TAF11: variants seen among roughly 807,000 people sequenced by gnomAD.
TAF11 encodes the protein transcription initiation factor TFIID subunit 11.
TAF11 carries 10 observed loss-of-function variants against 23.0 expected under a neutral mutation model. That is an observed-to-expected ratio of 0.43 (90% CI 0.27 to 0.74). TAF11 has a LOEUF of 0.74. Among genes scored for constraint, TAF11 ranks in the 30% least tolerant of loss-of-function variants. TAF11 has a pLI of 0.19. For synonymous variants in TAF11, 85 were observed against 95.8 expected (o/e 0.89, Z 0.66); for missense variants, 196 against 261.7 (o/e 0.75, Z 1.73).
At chr6:34,884,967 G>T (rs953266698) in intron 1 of TAF11, among the ~76,000 whole-genome samples, 1 of 149,458 alleles carries the variant, frequency 6.7e-6, no homozygotes. Flanking sequence ...TTCATATTTT[G>T]TAATGTTATA....
At chr6:34,885,135 GC>G (rs1220703573) in intron 1 of TAF11, among the ~76,000 whole-genome samples, 1 of 149,634 alleles carries the variant, frequency 6.7e-6, no homozygotes, top group Non-Finnish European at 1.5e-5. Flanking sequence ...TCGCTCTGTT[GC>G]CCAGGCTGGA....
At chr6:34,884,635 CCT>C (rs1035804632) in intron 1 of TAF11, among the ~76,000 whole-genome samples, 1 of 152,100 alleles carries the variant, frequency 6.6e-6, no homozygotes, top group African/African-American at 2.4e-5. Context: ...AACTTCACCC[CCT>C]CTGACTTAAT....
intron 1 of TAF11, among the ~76,000 whole-genome samples, chr6:34,884,936 C>T (rs1219646920): frequency 6.6e-6 from 1 of 152,174 alleles, no homozygotes; most frequent in Admixed American, 6.5e-5. Flanking sequence ...TTAAAGATCT[C>T]CATATTAGTG....
intron 1 of TAF11, among the ~76,000 whole-genome samples, chr6:34,885,450 G>A (rs2095751536): frequency 6.6e-6 from 1 of 152,076 alleles, no homozygotes; most frequent in South Asian, 2.1e-4. Flanking sequence ...GAAGCTTTTT[G>A]TAGTTAATTT....
chr6:34,882,965 T>C lies in TAF11; in HGVS notation c.287A>G (p.Gln96Arg), dbSNP rs896349744. The C allele has an allele frequency of 1.2e-6, 2 of 1,609,498 alleles. No homozygotes were observed. The highest frequency in any genetic ancestry group is 2.7e-5 in the African/African-American group (2 of 74,698). The stretch of plus-strand genomic sequence containing the variant: ...CTGAATCTCATCTTCATCTACTTTC[T>C]GCTTTTTCTCTTTCTTTTCTTTGGT... Reference protein sequence around the residue: ...IDTKEKKEKKQKVDEDEIQKM... With the variant: ...IDTKEKKEKKRKVDEDEIQKM... Residue 96 changes from glutamine to arginine, a missense_variant, in exon 2 of 5, where the codon CAG becomes CGG. Physicochemically the swap from Gln to Arg is conservative, Grantham distance 43. Coordinates refer to ENST00000361288, the MANE Select transcript of TAF11 (RefSeq NM_005643.4).
At position 34,880,272 on chromosome 6, in the gene TAF11, T is replaced by A; in HGVS notation, c.408+17A>T. 1 of 1,613,390 alleles carries A rather than the reference T, an allele frequency of 6.2e-7. No individual in the cohort carries two copies. The highest frequency in any genetic ancestry group is 1.7e-5 in the Admixed American group (1 of 59,998). ...TCTAAAACGTGATGGAGATGAAGTG[T>A]GGTGGTCCATCCTTACCCTTTTGAT... On this transcript the variant is annotated intron_variant, in intron 3 of 4. Coordinates refer to ENST00000361288, the MANE Select transcript of TAF11 (RefSeq NM_005643.4). This position sits in a 1 kb window ranked among gnomAD's most constrained non-coding sequence, Gnocchi z 4.8.
intron 4 of TAF11, 144 bp downstream of exon 4, chr6:34,879,823 C>T: frequency 6.9e-7 from 1 of 1,442,692 alleles, no homozygotes; most frequent in Non-Finnish European, 9.1e-7. Flanking sequence ...GTCATGTTCT[C>T]CTAAATAAAG....
chr6:34,879,879 G>A, intron 4 of TAF11, 88 bp downstream of exon 4: 1 of 1,518,770 alleles, frequency 6.6e-7, no homozygotes, highest in Non-Finnish European at 8.9e-7. Context: ...AACTCCCATA[G>A]GTGCTTTAAT....
intron 4 of TAF11, 189 bp downstream of exon 4, chr6:34,879,778 T>A: frequency 3.0e-6 from 3 of 985,428 alleles, no homozygotes; most frequent in Non-Finnish European, 3.6e-6. Flanking sequence ...AGATGGTTCC[T>A]TACCATCTGT....
chr6:34,878,559 G>A lies in TAF11; in HGVS notation c.*31C>T, dbSNP rs771253931. 1.2e-5 allele frequency: 15 copies of A among 1,214,034 alleles called. No homozygotes were observed. The highest frequency in any genetic ancestry group is 3.6e-5 in the South Asian group (3 of 82,886). 75.2% of individuals were successfully genotyped at this position (1,214,034 alleles called of 1,614,324 possible). On this transcript the variant is annotated 3_prime_UTR_variant, in exon 5 of 5. Transcript: ENST00000361288. The stretch of plus-strand genomic sequence containing the variant: ...GAAGTCTGGAACCAATACTTCTTCC[G>A]TCAGTAACATAGGCCTTTCTAGACT...
At position 34,880,529 on chromosome 6, in the gene TAF11, TCTACTC is replaced by T. The variant is rs905484597; in HGVS notation, c.321-159_321-154del. 1.3e-5 allele frequency among the ~76,000 whole-genome samples: 2 copies of T among 152,172 alleles called. No homozygotes were observed. Among genetic ancestry groups the T allele is most frequent in the Non-Finnish European group, 2.9e-5 (2 of 68,022 alleles). On this transcript the variant is annotated intron_variant, in intron 2 of 4. Transcript: ENST00000361288. The surrounding 1 kb of genome is among the most constrained non-coding windows in gnomAD (Gnocchi z 4.8). ...CCTTGAGGAATGAAGATAAAACACT[TCTACTC>T]CAAAGGAATTTGAGAAAACGTAAAA...
rs1289778176 is a variant in TAF11 at position 34,880,245 on chromosome 6, G to C, written c.408+44C>G. ...CCAATGGACATGGCTCTTGAGTTCAGTTCTAAAACGTGATGGAGATGAAGT... is the reference window on the plus strand; with the variant it reads ...CCAATGGACATGGCTCTTGAGTTCACTTCTAAAACGTGATGGAGATGAAGT... On this transcript the variant is annotated intron_variant, in intron 3 of 4. Transcript: ENST00000361288. The surrounding 1 kb of genome is among the most constrained non-coding windows in gnomAD (Gnocchi z 4.8). The C allele has an allele frequency of 6.2e-7, 1 of 1,604,908 alleles. No individual in the cohort carries two copies. The highest frequency in any genetic ancestry group is 1.1e-5 in the South Asian group (1 of 90,576).
rs76914477 is a variant in TAF11 at position 34,884,806 on chromosome 6, C to T, written c.172-1726G>A. On this transcript the variant is annotated intron_variant, in intron 1 of 4. Coordinates refer to ENST00000361288, the MANE Select transcript of TAF11 (RefSeq NM_005643.4). ...ATTTCTTTTTAGTTACTGATTTATA[C>T]AAGTTTTCTAACTGTGCTTCAAGTT... 2.3e-3 allele frequency among the ~76,000 whole-genome samples: 352 copies of T among 152,266 alleles called. 9 individuals are homozygous for T. In the East Asian group the frequency reaches 0.063, roughly 27 times the overall value.
Position 34,888,010 on chromosome 6 carries a change from C to T in TAF11, c.-53G>A, listed in dbSNP as rs537875479. 3 of 1,607,500 alleles carry T rather than the reference C, an allele frequency of 1.9e-6. No homozygotes were observed. Among genetic ancestry groups the T allele is most frequent in the East Asian group, 2.2e-5 (1 of 44,826 alleles). ...ATCGCGGAGATGCCTGAGGCAGAAG[C>T]TCGGAAACCCGAGCTGCACAGGCCA... is the stretch of plus-strand genomic sequence containing the variant. On this transcript the variant is annotated 5_prime_UTR_variant, in exon 1 of 5. Coordinates refer to ENST00000361288, the MANE Select transcript of TAF11 (RefSeq NM_005643.4).
chr6:34,879,254 AC>A (rs1766373983), intron 4 of TAF11: 1 of 329,928 alleles, frequency 3.0e-6, no homozygotes, highest in African/African-American at 2.3e-5. Context: ...ATGGTAGTGC[AC>A]GCCTACAGTC....
intron 4 of TAF11, among the ~76,000 whole-genome samples, chr6:34,879,121 G>A (rs1044086592): frequency 4.6e-5 from 7 of 152,180 alleles, no homozygotes; most frequent in Admixed American, 1.3e-4. Flanking sequence ...AGAATCACCC[G>A]AGCCCAGGAG....
intron 1 of TAF11, among the ~76,000 whole-genome samples, chr6:34,883,350 A>G (rs1265672253): frequency 1.4e-5 from 2 of 146,120 alleles, no homozygotes; most frequent in Admixed American, 1.4e-4. Context: ...AGGGTAATGA[A>G]ATGCCATGGA....
Position 34,880,070 on chromosome 6 carries a change from A to G in TAF11, c.409-7T>C. The stretch of plus-strand genomic sequence containing the variant: ...CAGTGATGGACTGGATCAGCTTGAA[A>G]GAAGCACAAAGACTCCGTGATCACA... On this transcript the variant is annotated splice_polypyrimidine_tract_variant and splice_region_variant and intron_variant, in intron 3 of 4. Coordinates refer to ENST00000361288, the MANE Select transcript of TAF11 (RefSeq NM_005643.4). This position sits in a 1 kb window ranked among gnomAD's most constrained non-coding sequence, Gnocchi z 4.8. The G allele has an allele frequency of 6.2e-7, 1 of 1,612,484 alleles. No individual in the cohort carries two copies. The highest frequency in any genetic ancestry group is 8.5e-7 in the Non-Finnish European group (1 of 1,178,588).
chr6:34,887,772 T>TACTG lies in TAF11; in HGVS notation c.171+14_171+15insCAGT. ...CTGGGTATTCCTTCAGCCTCATCAG[T>TACTG]ACATCTCTTCCTACCTCGCCTTCCT... is the stretch of plus-strand genomic sequence containing the variant. On this transcript the variant is annotated intron_variant, in intron 1 of 4. Coordinates refer to ENST00000361288, the MANE Select transcript of TAF11 (RefSeq NM_005643.4). 6.2e-7 allele frequency: 1 copy of TACTG among 1,614,068 alleles called. No homozygotes were observed. Among genetic ancestry groups the TACTG allele is most frequent in the Non-Finnish European group, 8.5e-7 (1 of 1,179,988 alleles).
Sources: gnomAD v4.1 joint callset for allele counts (sites outside exome capture counted in the v4.1 genomes callset) on GRCh38, gnomAD v4.1.1 for gene constraint, Gnocchi (gnomAD v3.1) non-coding constraint, MANE v1.5 for transcripts, NCBI Gene and HGNC (gene_info 2026-07-23, HGNC 2026-07-21) for gene names.